The following ZFAND6 variants were observed in gnomAD, a reference collection of about 807,000 sequenced individuals.
The protein encoded by ZFAND6 is AN1-type zinc finger protein 6.
A neutral mutation model predicts 24.5 loss-of-function variants in ZFAND6; 12 were observed. The observed-to-expected ratio is 0.49, with a 90% confidence interval of 0.31 to 0.79. The LOEUF (loss-of-function observed/expected upper bound fraction) is 0.79, where lower values mean the gene tolerates loss of function less well. Ranked by LOEUF, ZFAND6 falls within the 30% of genes least tolerant of loss-of-function variation. The pLI is 0.04. For missense variants in ZFAND6, 207 were observed against 245.9 expected (o/e 0.84, Z 1.06); for synonymous variants, 92 against 81.5 (o/e 1.13, Z -0.69).
At chr15:80,077,587 G>C (rs554296394) in intron 1 of ZFAND6, among the ~76,000 whole-genome samples, 73 of 151,318 alleles carry the variant, frequency 4.8e-4, no homozygotes, top group African/African-American at 1.8e-3. Flanking sequence ...ACCAATGTTT[G>C]TTTCTTTGAA....
chr15:80,084,148 T>C (rs1179366532), intron 1 of ZFAND6, among the ~76,000 whole-genome samples: 3 of 152,164 alleles, frequency 2.0e-5, no homozygotes, highest in African/African-American at 7.2e-5. Context: ...TAAGCCTAGA[T>C]CAGGGTTAGG....
chr15:80,083,803 G>A (rs958705753), intron 1 of ZFAND6, among the ~76,000 whole-genome samples: 3 of 152,022 alleles, frequency 2.0e-5, no homozygotes, highest in African/African-American at 2.4e-5. Flanking sequence ...AGGAGGTTGC[G>A]GTGAGCTCAG....
At chr15:80,065,990 A>G (rs2036609981) in intron 1 of ZFAND6, among the ~76,000 whole-genome samples, 1 of 152,106 alleles carries the variant, frequency 6.6e-6, no homozygotes, top group South Asian at 2.1e-4. Flanking sequence ...TTTTATGTTT[A>G]TATATTTAAA....
At chr15:80,087,041 C>T (rs931508812) in intron 1 of ZFAND6, among the ~76,000 whole-genome samples, 1 of 152,192 alleles carries the variant, frequency 6.6e-6, no homozygotes, top group Non-Finnish European at 1.5e-5. Flanking sequence ...ATACATACCA[C>T]ATTTTGTTTA....
At chr15:80,091,251 G>A (rs755225192) in intron 1 of ZFAND6, among the ~76,000 whole-genome samples, 2 of 152,066 alleles carry the variant, frequency 1.3e-5, no homozygotes, top group Non-Finnish European at 2.9e-5. Context: ...AATGGGGTGA[G>A]AAGGAAGGAG....
intron 1 of ZFAND6, among the ~76,000 whole-genome samples, chr15:80,070,898 G>C (rs143771203): frequency 2.6e-5 from 4 of 151,458 alleles, no homozygotes; most frequent in African/African-American, 9.7e-5. Flanking sequence ...TTTGCTGATT[G>C]CTTCTGTACC....
At chr15:80,076,087 A>G (rs542243721) in intron 1 of ZFAND6, among the ~76,000 whole-genome samples, 115 of 152,264 alleles carry the variant, frequency 7.6e-4, no homozygotes, top group Non-Finnish European at 1.4e-3. Context: ...CCATTAAGTA[A>G]TAGAAGTTCG....
At chr15:80,084,172 C>CA (rs770464179) in intron 1 of ZFAND6, among the ~76,000 whole-genome samples, 3 of 152,290 alleles carry the variant, frequency 2.0e-5, no homozygotes, top group East Asian at 3.9e-4. Flanking sequence ...GATTACAGCA[C>CA]ACACATAGTT....
chr15:80,061,804 A>G (rs1390911182), intron 1 of ZFAND6, among the ~76,000 whole-genome samples: 1 of 152,172 alleles, frequency 6.6e-6, no homozygotes, highest in East Asian at 1.9e-4. Context: ...CTCTAGAGTA[A>G]ATACTTAATG....
chr15:80,069,798 G>A (rs1197986885), intron 1 of ZFAND6, among the ~76,000 whole-genome samples: 2 of 151,972 alleles, frequency 1.3e-5, no homozygotes, highest in East Asian at 3.9e-4. Flanking sequence ...TAGTAGAGAC[G>A]GGGTTTCACC....
chr15:80,076,942 A>T (rs2037319922), intron 1 of ZFAND6, among the ~76,000 whole-genome samples: 1 of 152,142 alleles, frequency 6.6e-6, no homozygotes, highest in African/African-American at 2.4e-5. Context: ...TTTTTGGAAC[A>T]CTTTGATAAA....
chr15:80,102,714 A>G (rs575567844), intron 2 of ZFAND6, among the ~76,000 whole-genome samples: 50 of 152,260 alleles, frequency 3.3e-4, no homozygotes, highest in African/African-American at 1.2e-3. Context: ...TAAAGGTTAA[A>G]AGTAGTCTGG....
chr15:80,067,985 G>A (rs1258385725), intron 1 of ZFAND6, among the ~76,000 whole-genome samples: 2 of 151,584 alleles, frequency 1.3e-5, no homozygotes, highest in Non-Finnish European at 2.9e-5. Flanking sequence ...TTCTTGAGAC[G>A]GAATCTTACT....
chr15:80,073,742 A>G (rs2037109419), intron 1 of ZFAND6, among the ~76,000 whole-genome samples: 1 of 151,864 alleles, frequency 6.6e-6, no homozygotes, highest in Non-Finnish European at 1.5e-5. Context: ...TCCAATAATT[A>G]TGAATCTGTG....
intron 5 of ZFAND6, among the ~76,000 whole-genome samples, chr15:80,127,954 C>G (rs1357315598): frequency 5.3e-5 from 8 of 151,922 alleles, no homozygotes; most frequent in Non-Finnish European, 1.2e-4. Flanking sequence ...GTAAATAGAT[C>G]ATTGGATAAA....
At chr15:80,083,014 TG>T (rs550430605) in intron 1 of ZFAND6, among the ~76,000 whole-genome samples, 120 of 152,252 alleles carry the variant, frequency 7.9e-4, no homozygotes, top group African/African-American at 2.8e-3. Context: ...TATTTTGAAA[TG>T]GAGTCTCACT....
At chr15:80,069,938 G>A (rs2036878553) in intron 1 of ZFAND6, among the ~76,000 whole-genome samples, 1 of 152,030 alleles carries the variant, frequency 6.6e-6, no homozygotes, top group East Asian at 1.9e-4. Context: ...CCCCATTGAG[G>A]TGTTTTTCAG....
chr15:80,082,665 G>T (rs1294753910), intron 1 of ZFAND6, among the ~76,000 whole-genome samples: 1 of 152,234 alleles, frequency 6.6e-6, no homozygotes, highest in African/African-American at 2.4e-5. Flanking sequence ...AAGATTGACA[G>T]ATGGATATAG....
At chr15:80,094,125 G>A (rs1182706694) in intron 1 of ZFAND6, among the ~76,000 whole-genome samples, 1 of 152,198 alleles carries the variant, frequency 6.6e-6, no homozygotes, top group Non-Finnish European at 1.5e-5. Context: ...TGGAACATGA[G>A]GTTCAGATGC....
Sources: allele counts gnomAD v4.1 joint callset (sites outside exome capture counted in the v4.1 genomes callset), GRCh38; gene constraint gnomAD v4.1.1; transcripts MANE v1.5; gene names NCBI Gene and HGNC (gene_info 2026-07-23, HGNC 2026-07-21).